Variants in TPP2 observed in about 807,000 individuals in gnomAD.
TPP2 encodes the protein tripeptidyl peptidase 2, also known as tripeptidyl-peptidase 2.
In TPP2, 34 loss-of-function variants were observed where a neutral mutation model predicts 155.9. The observed-to-expected ratio is 0.22, with a 90% CI of 0.17 to 0.29. The LOEUF is 0.29. Ranked by LOEUF, TPP2 falls within the 10% of genes least tolerant of loss-of-function variation. The pLI is 1.00. For synonymous variants in TPP2, 510 were observed against 529.4 expected (o/e 0.96, Z 0.50); for missense variants, 1,028 against 1,522.3 (o/e 0.68, Z 5.40).
chr13:102,620,185 C>T (rs920584865), intron 5 of TPP2, among the ~76,000 whole-genome samples: 6 of 152,100 alleles, frequency 3.9e-5, no homozygotes, highest in Non-Finnish European at 5.9e-5. Flanking sequence ...TGTGTGTTTC[C>T]ACAAGATTTC....
chr13:102,625,411 G>T (rs533920707), intron 6 of TPP2, among the ~76,000 whole-genome samples: 2 of 151,770 alleles, frequency 1.3e-5, no homozygotes, highest in East Asian at 3.9e-4. Context: ...TGATCCGCCC[G>T]CCTCGGCTTC....
chr13:102,667,852 G>A (rs539767777), intron 27 of TPP2: 14 of 984,036 alleles, frequency 1.4e-5, no homozygotes, highest in East Asian at 1.1e-4. Context: ...GACTCTGGCC[G>A]AGCGACGGAT....
chr13:102,671,618 T>C (rs1448200829), intron 27 of TPP2, among the ~76,000 whole-genome samples: 2 of 152,118 alleles, frequency 1.3e-5, no homozygotes, highest in East Asian at 1.9e-4. Context: ...ATACACCTGA[T>C]TGTGTTGTCA....
At chr13:102,672,045 T>G (rs1885014930) in intron 27 of TPP2, among the ~76,000 whole-genome samples, 2 of 152,154 alleles carry the variant, frequency 1.3e-5, no homozygotes, top group South Asian at 4.2e-4. Context: ...ACCTTCATTT[T>G]CGAGGGTTCC....
chr13:102,597,030 C>G lies in TPP2; in HGVS notation c.-9C>G. The stretch of plus-strand genomic sequence containing the variant: ...AGTTTGCCGCTTCCTCGTCCTCCAT[C>G]CTGCGTCCATGGCCACCGCTGCGAC... On this transcript the variant is annotated 5_prime_UTR_variant, in exon 1 of 30. In the 5' UTR this introduces an upstream ATG that the reference lacks. Transcript: ENST00000376052. The G allele has an allele frequency of 6.2e-7, 1 of 1,611,236 alleles. No individual in the cohort carries two copies. The highest frequency in any genetic ancestry group is 8.5e-7 in the Non-Finnish European group (1 of 1,179,232).
At chr13:102,672,643 G>A (rs1196206182) in intron 27 of TPP2, among the ~76,000 whole-genome samples, 1 of 152,096 alleles carries the variant, frequency 6.6e-6, no homozygotes, top group Non-Finnish European at 1.5e-5. Context: ...ACAAAATCAG[G>A]ATAGTAGTTG....
intron 25 of TPP2, among the ~76,000 whole-genome samples, chr13:102,659,990 AATT>A (rs1884099795): frequency 1.5e-5 from 2 of 137,128 alleles, no homozygotes; most frequent in Admixed American, 1.4e-4. Flanking sequence ...ATAGTAAAGT[AATT>A]ATTATAACAG....
intron 11 of TPP2, 28 bp from the exon 12 acceptor site, chr13:102,635,559 A>T: frequency 6.4e-7 from 1 of 1,561,650 alleles, no homozygotes; most frequent in Non-Finnish European, 8.8e-7. Context: ...TGAGTGCTAC[A>T]CTACTTGTTT....
At chr13:102,618,443 C>T (rs192609424) in intron 4 of TPP2, among the ~76,000 whole-genome samples, 22 of 152,284 alleles carry the variant, frequency 1.4e-4, no homozygotes, top group Middle Eastern at 3.4e-3. Context: ...GAATCACCAA[C>T]GTGTAGCACA....
At chr13:102,677,417 T>C (rs1885347180) in intron 29 of TPP2, among the ~76,000 whole-genome samples, 1 of 152,102 alleles carries the variant, frequency 6.6e-6, no homozygotes, top group Admixed American at 6.5e-5. Context: ...AAAAGATGCC[T>C]TTTGACACCT....
intron 15 of TPP2, among the ~76,000 whole-genome samples, chr13:102,639,057 C>T (rs921178109): frequency 2.0e-5 from 3 of 152,212 alleles, no homozygotes; most frequent in Non-Finnish European, 4.4e-5. Context: ...CAGGTGCATT[C>T]CTGGTCATCC....
At chr13:102,674,139 C>G (rs41281656) in intron 27 of TPP2, 144 bp from the exon 28 acceptor site, 207,169 of 807,984 alleles carry the variant, frequency 0.26, 29,224 homozygotes, top group Non-Finnish European at 0.29. Flanking sequence ...ATTTGATGTA[C>G]AATACAATTG....
chr13:102,619,149 G>T (rs1880964187), intron 5 of TPP2, among the ~76,000 whole-genome samples: 1 of 152,232 alleles, frequency 6.6e-6, no homozygotes, highest in Non-Finnish European at 1.5e-5. Flanking sequence ...TTGAGATAGT[G>T]GTGCTTACAG....
At chr13:102,599,502 G>A (rs774574638) in intron 1 of TPP2, among the ~76,000 whole-genome samples, 1 of 152,188 alleles carries the variant, frequency 6.6e-6, no homozygotes, top group Non-Finnish European at 1.5e-5. Context: ...GGAGGAAGAT[G>A]AGGCTGAACT....
Position 102,660,038 on chromosome 13 carries a change from C to T in TPP2, c.3143+2831C>T, listed in dbSNP as rs1046317857. ...TGGTGTATTACAGTAATAGATACAA[C>T]AGATAGAATACTACTACAGAAGGAA... On this transcript the variant is annotated intron_variant, in intron 25 of 29. Coordinates refer to ENST00000376052, the MANE Select transcript of TPP2 (RefSeq NM_001330588.2). Among the ~76,000 whole-genome samples the T allele has an allele frequency of 1.8e-4, 28 of 151,686 alleles. 1 individual carries two copies. Among genetic ancestry groups the T allele is most frequent in the African/African-American group, 6.8e-4 (28 of 41,376 alleles).
chr13:102,614,227 A>T, intron 3 of TPP2, 31 bp downstream of exon 3: 1 of 1,518,190 alleles, frequency 6.6e-7, no homozygotes, highest in East Asian at 2.3e-5. Context: ...AATGAGTTGT[A>T]TTCTTCTGAC....
At chr13:102,640,654 T>A (rs969015430) in intron 16 of TPP2, among the ~76,000 whole-genome samples, 2 of 131,026 alleles carry the variant, frequency 1.5e-5, no homozygotes, top group African/African-American at 5.9e-5. Context: ...TTTTTTTTTT[T>A]TTTTTTTTTT....
In TPP2 at chr13:102,646,280, T is replaced by C; in HGVS notation, c.2394-14T>C. On this transcript the variant is annotated splice_polypyrimidine_tract_variant and intron_variant, in intron 19 of 29. Coordinates refer to ENST00000376052, the MANE Select transcript of TPP2 (RefSeq NM_001330588.2). ...CTCTTGAATCAAACCAGTTATGTAG[T>C]TTCCTCATTACAGCCCAGTGAGTGC... 6.2e-7 allele frequency: 1 copy of C among 1,602,092 alleles called. No individual in the cohort carries two copies. Among genetic ancestry groups the C allele is most frequent in the Non-Finnish European group, 8.5e-7 (1 of 1,174,854 alleles).
rs1305694908 is a variant in TPP2, at chr13:102,616,500, A to G, written c.495A>G (p.Gln165=). 1 of 1,607,422 alleles carries G rather than the reference A, an allele frequency of 6.2e-7. No individual in the cohort carries two copies. The highest frequency in any genetic ancestry group is 1.1e-5 in the South Asian group (1 of 89,494). ...EFDVANNGSS[Q]ANKLIKEELQ... is the part of the protein sequence containing the mutation. ...ATGTTGCCAACAACGGCTCTTCTCA[A>G]GTTGGTGCTAGTCGATTTCATTTAA... Residue 165 remains glutamine, a splice_region_variant and synonymous_variant, in exon 4 of 30, where the codon CAA becomes CAG. Coordinates refer to ENST00000376052, the MANE Select transcript of TPP2 (RefSeq NM_001330588.2).
Sources: allele counts gnomAD v4.1 joint callset (sites outside exome capture counted in the v4.1 genomes callset), GRCh38; gene constraint gnomAD v4.1.1; transcripts MANE v1.5; gene names NCBI Gene and HGNC (gene_info 2026-07-23, HGNC 2026-07-21).